Variants in WWP2 observed in about 807,000 individuals in gnomAD.
WWP2 encodes WW domain containing E3 ubiquitin protein ligase 2.
Under a neutral mutation model 121.0 loss-of-function variants are expected in WWP2, and 57 were observed. The observed-to-expected ratio is 0.47, with a 90% confidence interval of 0.38 to 0.59. The LOEUF (loss-of-function observed/expected upper bound fraction) is 0.59, where lower values mean the gene tolerates loss of function less well. WWP2 is among the 20% of genes least tolerant of loss of function. The probability of loss-of-function intolerance (pLI) is 0.00; values close to 1 mark genes in which losing one functional copy is unlikely to be tolerated. For missense variants in WWP2, 962 were observed against 1,158.9 expected, an observed-to-expected ratio of 0.83 and a Z score of 2.47; for synonymous variants, 449 against 441.3, an observed-to-expected ratio of 1.02 and a Z score of -0.22.
intron 11 of WWP2, among the ~76,000 whole-genome samples, chr16:69,929,247 C>T (rs1237405867): frequency 6.6e-6 from 1 of 152,072 alleles, no homozygotes; most frequent in Non-Finnish European, 1.5e-5. Context: ...CCCCGCCCCC[C>T]ACCACCAACA....
At chr16:69,781,924 TA>T (rs1052143661) in intron 1 of WWP2, among the ~76,000 whole-genome samples, 1 of 152,090 alleles carries the variant, frequency 6.6e-6, no homozygotes, top group African/African-American at 2.4e-5. Flanking sequence ...AGCCCTGAAG[TA>T]ACATCAATCT....
At chr16:69,917,941 CAG>C in intron 10 of WWP2, 58 bp downstream of exon 10, 1 of 1,482,504 alleles carries the variant, frequency 6.7e-7, no homozygotes, top group African/African-American at 1.7e-5. Context: ...TGCGAATGTG[CAG>C]CCACGTGTTC....
chr16:69,897,900 T>TC (rs2058132341), intron 8 of WWP2, among the ~76,000 whole-genome samples: 1 of 151,388 alleles, frequency 6.6e-6, no homozygotes, highest in Non-Finnish European at 1.5e-5. Context: ...AGAGTGAGAC[T>TC]CCATCTCAAA....
intron 4 of WWP2, among the ~76,000 whole-genome samples, chr16:69,812,468 A>ACCCCCCCC (rs747172682): frequency 3.9e-5 from 4 of 101,768 alleles, no homozygotes; most frequent in Non-Finnish European, 7.9e-5. Context: ...CCTGCCCCCA[A>ACCCCCCCC]CCCCCCCCCT....
At chr16:69,791,049 A>G (rs1201840175) in intron 2 of WWP2, among the ~76,000 whole-genome samples, 2 of 151,936 alleles carry the variant, frequency 1.3e-5, no homozygotes, top group Non-Finnish European at 2.9e-5. Context: ...GAGTAGGGAG[A>G]TGAGTTAGAG....
intron 1 of WWP2, among the ~76,000 whole-genome samples, chr16:69,774,071 AAT>A (rs1195155553): frequency 1.3e-5 from 2 of 151,982 alleles, no homozygotes; most frequent in African/African-American, 4.8e-5. Context: ...CTCCCCAGAT[AAT>A]TCAGATGTCT....
chr16:69,891,174 A>G (rs2058020407), intron 8 of WWP2, among the ~76,000 whole-genome samples: 1 of 152,168 alleles, frequency 6.6e-6, no homozygotes, highest in Non-Finnish European at 1.5e-5. Context: ...TGGAAGCCAG[A>G]GAGAGTACTA....
At position 69,935,390 on chromosome 16, in the gene WWP2, A is replaced by T. The variant is rs1029335803; in HGVS notation, c.1843-463A>T. On this transcript the variant is annotated intron_variant, in intron 17 of 23. Coordinates refer to ENST00000359154, the MANE Select transcript of WWP2 (RefSeq NM_001270454.2). This position sits in a 1 kb window ranked among gnomAD's most constrained non-coding sequence, Gnocchi z 5.2. ...GGACAGACCGGTAAAACCCTAGACT[A>T]TTACTCACCATTGGCCGCCAGCTCT... 2.6e-5 allele frequency among the ~76,000 whole-genome samples: 4 copies of T among 152,152 alleles called. No individual in the cohort carries two copies. The highest frequency in any genetic ancestry group is 9.7e-5 in the African/African-American group (4 of 41,442).
chr16:69,795,681 A>G (rs1324351015), intron 2 of WWP2, among the ~76,000 whole-genome samples: 2 of 78,258 alleles, frequency 2.6e-5, no homozygotes, highest in African/African-American at 6.5e-5. Flanking sequence ...TTTTTGTGAG[A>G]GTCTCTCTCC....
intron 2 of WWP2, among the ~76,000 whole-genome samples, chr16:69,788,495 A>G (rs1233675870): frequency 2.0e-5 from 3 of 152,110 alleles, no homozygotes; most frequent in Non-Finnish European, 4.4e-5. Flanking sequence ...CTTGCTCTTC[A>G]GTGAATACAC....
At chr16:69,939,731 C>A in intron 23 of WWP2, 110 bp from the exon 24 acceptor site, 1 of 1,004,152 alleles carries the variant, frequency 1.0e-6, no homozygotes, top group Non-Finnish European at 1.5e-6. Flanking sequence ...AGCCCCTGAG[C>A]CCTAGCCAGT....
At chr16:69,870,085 G>A (rs2057605916) in intron 6 of WWP2, among the ~76,000 whole-genome samples, 2 of 152,088 alleles carry the variant, frequency 1.3e-5, no homozygotes, top group African/African-American at 2.4e-5. Context: ...ATGAATCTTT[G>A]CATCATTTGG....
intron 8 of WWP2, among the ~76,000 whole-genome samples, chr16:69,889,594 T>C (rs1328844029): frequency 1.3e-5 from 2 of 152,330 alleles, no homozygotes; most frequent in East Asian, 3.9e-4. Context: ...CCCTCACTGA[T>C]TGGTGGGTGT....
intron 10 of WWP2, among the ~76,000 whole-genome samples, chr16:69,918,672 A>C (rs956113976): frequency 6.6e-6 from 1 of 152,194 alleles, no homozygotes; most frequent in Non-Finnish European, 1.5e-5. Context: ...GAATTGCTAG[A>C]GCAGCCTCTA....
intron 4 of WWP2, among the ~76,000 whole-genome samples, chr16:69,821,890 G>C (rs747508147): frequency 6.6e-6 from 1 of 151,082 alleles, no homozygotes; most frequent in Non-Finnish European, 1.5e-5. Context: ...TTTTAAATAA[G>C]AAACAGGGTC....
chr16:69,811,796 A>G (rs1376744660), intron 4 of WWP2, among the ~76,000 whole-genome samples: 1 of 152,160 alleles, frequency 6.6e-6, no homozygotes, highest in Non-Finnish European at 1.5e-5. Flanking sequence ...TTACAAGAAT[A>G]GAACAAAGAA....
intron 4 of WWP2, among the ~76,000 whole-genome samples, chr16:69,829,743 G>C (rs1009324294): frequency 2.6e-5 from 4 of 152,090 alleles, no homozygotes; most frequent in African/African-American, 9.7e-5. Context: ...ACATTTCCTT[G>C]TTACTTCCAC....
In WWP2 at chr16:69,922,214, C is replaced by A. The variant is rs546521557; in HGVS notation, c.1180-3216C>A. 7.2e-5 allele frequency among the ~76,000 whole-genome samples: 11 copies of A among 151,966 alleles called. 1 individual carries two copies. In the South Asian group the frequency reaches 2.3e-3, roughly 32 times the overall value. On this transcript the variant is annotated intron_variant, in intron 10 of 23. Coordinates refer to ENST00000359154, the MANE Select transcript of WWP2 (RefSeq NM_001270454.2). ...CCCCTTGCATTGAATTCTCAAGCACCTGGATTTTGTTCTGCATCCGTCTGG... is the reference window on the plus strand; with the variant it reads ...CCCCTTGCATTGAATTCTCAAGCACATGGATTTTGTTCTGCATCCGTCTGG...
chr16:69,939,504 C>G, intron 23 of WWP2, 91 bp downstream of exon 23: 1 of 1,385,810 alleles, frequency 7.2e-7, no homozygotes, highest in Non-Finnish European at 1.0e-6. Context: ...TTCATAGCCT[C>G]GAGTCTGGCA....
Sources: gnomAD v4.1 joint callset for allele counts (sites outside exome capture counted in the v4.1 genomes callset) on GRCh38, gnomAD v4.1.1 for gene constraint, Gnocchi (gnomAD v3.1) non-coding constraint, MANE v1.5 for transcripts, NCBI Gene and HGNC (gene_info 2026-07-23, HGNC 2026-07-21) for gene names.